The following CABCOCO1 variants were observed in gnomAD, a reference collection of about 807,000 sequenced individuals.
The protein encoded by CABCOCO1 is ciliary associated calcium binding coiled-coil 1.
Under a neutral mutation model 35.7 loss-of-function variants are expected in CABCOCO1, and 28 were observed. The observed-to-expected ratio is 0.78, with a 90% CI of 0.58 to 1.07. The LOEUF is 1.07. Among genes scored for constraint, CABCOCO1 ranks in the 50% least tolerant of loss-of-function variants. CABCOCO1 has a pLI of 0.00. For missense variants in CABCOCO1, 326 were observed against 309.2 expected (o/e 1.05, Z -0.41); for synonymous variants, 95 against 100.1 (o/e 0.95, Z 0.30).
intron 5 of CABCOCO1, among the ~76,000 whole-genome samples, chr10:61,731,760 G>C (rs950815936): frequency 2.2e-5 from 3 of 139,232 alleles, no homozygotes; most frequent in African/African-American, 8.1e-5. Context: ...AGGGAGGACA[G>C]AGGGAGGAAG....
At chr10:61,698,456 A>G (rs1840351987) in intron 5 of CABCOCO1, among the ~76,000 whole-genome samples, 1 of 152,172 alleles carries the variant, frequency 6.6e-6, no homozygotes, top group South Asian at 2.1e-4. Flanking sequence ...TATAATAAAT[A>G]TGATATACTT....
At chr10:61,676,159 G>T (rs1461861442) in intron 2 of CABCOCO1, among the ~76,000 whole-genome samples, 1 of 152,160 alleles carries the variant, frequency 6.6e-6, no homozygotes, top group East Asian at 1.9e-4. Context: ...TACTAATTTT[G>T]TCTGATGTTC....
intron 5 of CABCOCO1, among the ~76,000 whole-genome samples, chr10:61,754,993 G>A (rs905885989): frequency 6.6e-6 from 1 of 152,152 alleles, no homozygotes; most frequent in Non-Finnish European, 1.5e-5. Flanking sequence ...TTAATGTGCT[G>A]CATTTGCAAA....
rs549406662 is a variant in CABCOCO1, at chr10:61,673,714, G to C, written c.164+979G>C. Among the ~76,000 whole-genome samples, 5 of 152,316 alleles carry C rather than the reference G, an allele frequency of 3.3e-5. No homozygotes were observed. In the South Asian group the frequency reaches 1.0e-3, roughly 32 times the overall value. ...CCTTTTCCTGAGCTGCTCAGCTCTA[G>C]CGCTGGCAACCTCTGCTGGAAATTG... On this transcript the variant is annotated intron_variant, in intron 2 of 7. Transcript: ENST00000648843.
chr10:61,710,490 T>C (rs913482919), intron 5 of CABCOCO1, among the ~76,000 whole-genome samples: 1 of 151,960 alleles, frequency 6.6e-6, no homozygotes, highest in Admixed American at 6.6e-5. Context: ...TGGAAATATG[T>C]TAATAAGGCA....
intron 5 of CABCOCO1, among the ~76,000 whole-genome samples, chr10:61,721,920 A>G (rs7896814): frequency 0.013 from 2,052 of 152,322 alleles, 35 homozygotes; most frequent in African/African-American, 0.047. Context: ...ACAATGAACT[A>G]CAGAACCTCA....
At chr10:61,688,008 C>T (rs367783340) in intron 4 of CABCOCO1, among the ~76,000 whole-genome samples, 9 of 152,056 alleles carry the variant, frequency 5.9e-5, no homozygotes, top group East Asian at 1.9e-4. Context: ...GAAAGTTTAG[C>T]GGGGACTGAG....
chr10:61,690,415 G>A lies in CABCOCO1; in HGVS notation c.480-134G>A, dbSNP rs560595319. On this transcript the variant is annotated intron_variant, in intron 4 of 7. Coordinates refer to ENST00000648843, the MANE Select transcript of CABCOCO1 (RefSeq NM_001366906.2). ...GACAATTTCTTTTGGAATAAAGGAGGATGCTAAGTCTGTTTTAGTGTCTGA... is the reference window on the plus strand; with the variant it reads ...GACAATTTCTTTTGGAATAAAGGAGAATGCTAAGTCTGTTTTAGTGTCTGA... 1.1e-3 allele frequency: 611 copies of A among 548,590 alleles called. 13 individuals carry two copies. In the South Asian group the frequency reaches 0.013, roughly 12 times the overall value. 34.0% of individuals were successfully genotyped at this position (548,590 alleles called of 1,614,324 possible).
chr10:61,739,469 C>T (rs981417996), intron 5 of CABCOCO1, among the ~76,000 whole-genome samples: 6 of 152,016 alleles, frequency 3.9e-5, no homozygotes, highest in African/African-American at 9.7e-5. Context: ...ATTTAGATTG[C>T]AAGTTTTAAG....
chr10:61,709,878 A>G (rs1840685904), intron 5 of CABCOCO1, among the ~76,000 whole-genome samples: 1 of 152,048 alleles, frequency 6.6e-6, no homozygotes, highest in Non-Finnish European at 1.5e-5. Context: ...CATTTTTCAG[A>G]TTAATGGAAA....
At chr10:61,699,660 A>T (rs941707376) in intron 5 of CABCOCO1, among the ~76,000 whole-genome samples, 5 of 152,140 alleles carry the variant, frequency 3.3e-5, no homozygotes, top group Admixed American at 6.6e-5. Context: ...ACAGAAAAAA[A>T]AAAGCGAGAG....
At chr10:61,743,261 A>G (rs936817457) in intron 5 of CABCOCO1, among the ~76,000 whole-genome samples, 17 of 152,156 alleles carry the variant, frequency 1.1e-4, no homozygotes, top group African/African-American at 4.1e-4. Context: ...TGGAAAATAA[A>G]TCCCTTGATT....
chr10:61,672,388 G>T (rs1839387061), intron 1 of CABCOCO1, among the ~76,000 whole-genome samples: 1 of 152,142 alleles, frequency 6.6e-6, no homozygotes, highest in Admixed American at 6.5e-5. Context: ...AATATTTGTT[G>T]AATTGAAAAC....
chr10:61,754,769 G>T (rs1031874794), intron 5 of CABCOCO1, among the ~76,000 whole-genome samples: 16 of 152,052 alleles, frequency 1.1e-4, no homozygotes, highest in African/African-American at 3.6e-4. Context: ...GTCCTAACTT[G>T]TTGTACTGTG....
At chr10:61,699,231 G>C (rs148897675) in intron 5 of CABCOCO1, among the ~76,000 whole-genome samples, 2 of 152,224 alleles carry the variant, frequency 1.3e-5, no homozygotes, top group East Asian at 1.9e-4. Flanking sequence ...GTTGATGCTT[G>C]GATATACAAT....
At chr10:61,674,062 T>A (rs1376979520) in intron 2 of CABCOCO1, among the ~76,000 whole-genome samples, 1 of 152,146 alleles carries the variant, frequency 6.6e-6, no homozygotes, top group Non-Finnish European at 1.5e-5. Context: ...AATTTATTTA[T>A]ATTAAATGCC....
intron 2 of CABCOCO1, among the ~76,000 whole-genome samples, chr10:61,673,163 C>T (rs572820025): frequency 7.2e-5 from 11 of 152,258 alleles, no homozygotes; most frequent in Non-Finnish European, 1.3e-4. Context: ...TGCCATCCAC[C>T]TGTGATTCTC....
intron 5 of CABCOCO1, among the ~76,000 whole-genome samples, chr10:61,693,443 A>G (rs1840209055): frequency 6.6e-6 from 1 of 152,116 alleles, no homozygotes; most frequent in South Asian, 2.1e-4. Flanking sequence ...CAAGTTAGAT[A>G]ACACTGATGA....
intron 5 of CABCOCO1, among the ~76,000 whole-genome samples, chr10:61,749,477 T>G (rs1841734806): frequency 6.6e-6 from 1 of 152,250 alleles, no homozygotes; most frequent in South Asian, 2.1e-4. Context: ...CTTTAAAAAC[T>G]ATTCAACCTT....
Sources: gnomAD v4.1 joint callset for allele counts (sites outside exome capture counted in the v4.1 genomes callset) on GRCh38, gnomAD v4.1.1 for gene constraint, MANE v1.5 for transcripts, NCBI Gene and HGNC (gene_info 2026-07-23, HGNC 2026-07-21) for gene names.